Variants in ABCC8 observed in about 807,000 individuals in gnomAD.
ABCC8 encodes ATP binding cassette subfamily C member 8.
Under a neutral mutation model 188.0 loss-of-function variants are expected in ABCC8, and 137 were observed. The ratio of observed to expected loss-of-function variants is 0.73; its 90% CI spans 0.63 to 0.84. The LOEUF (loss-of-function observed/expected upper bound fraction) is 0.84. Among genes scored for constraint, ABCC8 ranks in the 40% least tolerant of loss-of-function variants. ABCC8 has a pLI of 0.00. For synonymous variants in ABCC8, 797 were observed against 846.5 expected (o/e 0.94, Z 1.01); for missense variants, 1,750 against 2,072.7 (o/e 0.84, Z 3.02).
At chr11:17,400,640 A>G (rs1482868712) in intron 29 of ABCC8, among the ~76,000 whole-genome samples, 1 of 151,794 alleles carries the variant, frequency 6.6e-6, no homozygotes, top group African/African-American at 2.4e-5. Context: ...CACTCTTGAA[A>G]CTCTTTTGGG....
chr11:17,428,066 T>G, intron 14 of ABCC8, 124 bp from the exon 15 acceptor site: 2 of 1,589,226 alleles, frequency 1.3e-6, no homozygotes, highest in Non-Finnish European at 1.7e-6. Flanking sequence ...CTGGATCACT[T>G]CCAGAGCAGG....
chr11:17,461,881 A>G (rs1957207390), intron 4 of ABCC8, 56 bp from the exon 5 acceptor site: 1 of 1,608,752 alleles, frequency 6.2e-7, no homozygotes, highest in African/African-American at 1.3e-5. Flanking sequence ...ACCACTCCCT[A>G]CCTTGCCCCA....
At chr11:17,428,709 G>C (rs768511161) in intron 12 of ABCC8, 39 bp from the exon 13 acceptor site, 16 of 1,606,876 alleles carry the variant, frequency 1.0e-5, no homozygotes, top group Non-Finnish European at 1.4e-5. Flanking sequence ...ACCCCTGCCA[G>C]GGGCAGAGGG....
At chr11:17,446,815 T>A (rs1370300531) in intron 8 of ABCC8, among the ~76,000 whole-genome samples, 2 of 152,206 alleles carry the variant, frequency 1.3e-5, no homozygotes, top group Non-Finnish European at 2.9e-5. Flanking sequence ...CCCCTTTTTT[T>A]CTTTTAATAT....
chr11:17,412,674 C>T lies in ABCC8; in HGVS notation c.2548G>A (p.Val850Ile), dbSNP rs1381056397. 1.9e-6 allele frequency: 3 copies of T among 1,611,400 alleles called. No homozygotes were observed. The African/African-American group carries it at 4.0e-5, about 22-fold the overall frequency. Residue 850 changes from valine to isoleucine, a missense_variant, in exon 21 of 39, where the codon GTC becomes ATC. Val to Ile is a conservative substitution (Grantham distance 29, BLOSUM62 3). Coordinates refer to ENST00000389817, the MANE Select transcript of ABCC8 (RefSeq NM_000352.6). ...AGGGAACTTGCACTCACCAAGAAGA[C>T]AACGTTGGCGTGCTGGTAGAGGGCT... ...ARALYQHANV[V>I]FLDDPFSALD...
chr11:17,430,865 G>A lies in ABCC8; in HGVS notation c.1766C>T (p.Pro589Leu), dbSNP rs1955814875. 5 of 1,614,234 alleles carry A rather than the reference G, an allele frequency of 3.1e-6. No individual in the cohort carries two copies. The highest frequency in any genetic ancestry group is 4.2e-6 in the Non-Finnish European group (5 of 1,180,048). The change falls in exon 12 of 39, where the codon CCG becomes CTG. Residue 589 changes from proline to leucine, a missense_variant. Physicochemically the swap from Pro to Leu is moderately conservative, Grantham distance 98. Coordinates refer to ENST00000389817, the MANE Select transcript of ABCC8 (RefSeq NM_000352.6). ...SLSLFHILVT[P>L]LFLLSSVVRS... ...GACCACACTGGACAGCAGGAACAGC[G>A]GTGTGACCAAGATATGGAAGAGGGA... is the stretch of plus-strand genomic sequence containing the variant.
At chr11:17,426,076 A>G (rs1022383217) in intron 16 of ABCC8, among the ~76,000 whole-genome samples, 4 of 152,170 alleles carry the variant, frequency 2.6e-5, no homozygotes, top group Non-Finnish European at 4.4e-5. Flanking sequence ...TTCTTTATCC[A>G]GTCTATCATT....
intron 16 of ABCC8, among the ~76,000 whole-genome samples, chr11:17,417,747 T>C (rs1564910047): frequency 1.3e-5 from 2 of 149,762 alleles, no homozygotes; most frequent in South Asian, 2.1e-4. Context: ...TAGTAGTATT[T>C]TCTCTCTCTC....
chr11:17,399,301 A>AAACAAAC (rs1564882065), intron 29 of ABCC8, among the ~76,000 whole-genome samples: 1 of 136,276 alleles, frequency 7.3e-6, no homozygotes, highest in Admixed American at 8.0e-5. Flanking sequence ...AAAAAAAAAA[A>AAACAAAC]AAACAAATAA....
At chr11:17,406,501 C>T in intron 26 of ABCC8, 121 bp downstream of exon 26, 1 of 1,114,204 alleles carries the variant, frequency 9.0e-7, no homozygotes, top group Non-Finnish European at 1.3e-6. Flanking sequence ...CACACTGTCT[C>T]CTTGAGTCAC....
chr11:17,470,426 G>A (rs1848418077), intron 2 of ABCC8: 2 of 352,504 alleles, frequency 5.7e-6, no homozygotes, highest in South Asian at 2.3e-4. Flanking sequence ...TATATGATCT[G>A]GAGGCCTTAC....
rs537170118 is a variant in ABCC8, at chr11:17,394,126, G to A, written c.4545+140C>T. The A allele has an allele frequency of 2.7e-5, 31 of 1,161,516 alleles. No individual in the cohort carries two copies. In the South Asian group the frequency reaches 3.7e-4, roughly 14 times the overall value. 72.0% of individuals were successfully genotyped at this position (1,161,516 alleles called of 1,614,324 possible). A position where few individuals can be genotyped will look rare whatever the true frequency, so the allele number is the denominator to read the frequency against. On this transcript the variant is annotated intron_variant, in intron 37 of 38. Transcript: ENST00000389817. The stretch of plus-strand genomic sequence containing the variant: ...ACTAGACAGAGTCAGGGTCCCCCCA[G>A]CTCTTTTCATTTTCTGCAACACATA...
At position 17,395,177 on chromosome 11, in the gene ABCC8, C is replaced by A; in HGVS notation, c.4406G>T (p.Gly1469Val). 6.4e-7 allele frequency: 1 copy of A among 1,574,194 alleles called. No individual in the cohort carries two copies. ...GCATAGCCAGGAGTAGTTACCGAGG[C>A]CTCCTGGCAGTGCCTTCACCACCAG... The part of the protein sequence containing the change: ...LKLVVKALPG[G>V]LDAIITEGGE... The change falls in exon 36 of 39, where the codon GGC becomes GTC. Residue 1469 changes from glycine to valine, a missense_variant. Coordinates refer to ENST00000389817, the MANE Select transcript of ABCC8 (RefSeq NM_000352.6).
rs748354641 is a variant in ABCC8 at position 17,441,853 on chromosome 11, G to A, written c.1630+867C>T. 8.5e-5 allele frequency among the ~76,000 whole-genome samples: 13 copies of A among 152,230 alleles called. No individual in the cohort carries two copies. The South Asian group carries it at 1.5e-3, about 17-fold the overall frequency. The stretch of plus-strand genomic sequence containing the variant: ...TTCCAGCACTTTGGGAGGCTGAGGC[G>A]GGTGGATCACGAGGTCAGGAGTTCA... On this transcript the variant is annotated intron_variant, in intron 10 of 38. Coordinates refer to ENST00000389817, the MANE Select transcript of ABCC8 (RefSeq NM_000352.6).
At chr11:17,467,042 C>CACACACACACACA (rs1848197376) in intron 3 of ABCC8, among the ~76,000 whole-genome samples, 3 of 132,312 alleles carry the variant, frequency 2.3e-5, no homozygotes, top group Non-Finnish European at 4.8e-5. Flanking sequence ...ACATGTTAAA[C>CACACACACACACA]CACACACACA....
intron 10 of ABCC8, among the ~76,000 whole-genome samples, chr11:17,436,457 G>A (rs1956099675): frequency 6.6e-6 from 1 of 152,204 alleles, no homozygotes; most frequent in Non-Finnish European, 1.5e-5. Context: ...AAGGTTCCAA[G>A]GTGGTGGAGG....
chr11:17,468,899 G>GTATTTA (rs1848316361), intron 3 of ABCC8, among the ~76,000 whole-genome samples: 2 of 152,098 alleles, frequency 1.3e-5, no homozygotes, highest in African/African-American at 4.8e-5. Context: ...TTCTGCCTGG[G>GTATTTA]ACCCCAGTCC....
chr11:17,461,450 G>A, intron 5 of ABCC8, 133 bp downstream of exon 5: 1 of 1,208,518 alleles, frequency 8.3e-7, no homozygotes, highest in Non-Finnish European at 1.2e-6. Flanking sequence ...CTTAAGGCAA[G>A]CTTCTTCCCC....
intron 10 of ABCC8, among the ~76,000 whole-genome samples, chr11:17,438,976 G>A (rs564894767): frequency 6.6e-6 from 1 of 152,356 alleles, no homozygotes; most frequent in East Asian, 1.9e-4. Context: ...TGGCCACACG[G>A]TTCTGCTCTC....
Sources: allele counts gnomAD v4.1 joint callset (sites outside exome capture counted in the v4.1 genomes callset), GRCh38; gene constraint gnomAD v4.1.1; transcripts MANE v1.5; gene names NCBI Gene and HGNC (gene_info 2026-07-23, HGNC 2026-07-21).